Variants in SLC16A3 observed in about 807,000 individuals in gnomAD.
SLC16A3 encodes solute carrier family 16 member 3, also known as monocarboxylate transporter 4.
SLC16A3 carries 22 observed loss-of-function variants against 25.0 expected under a neutral mutation model. The ratio of observed to expected loss-of-function variants is 0.88; its 90% CI spans 0.63 to 1.26. The LOEUF (loss-of-function observed/expected upper bound fraction) is 1.26. Among genes scored for constraint, SLC16A3 ranks in the 50% most tolerant of loss-of-function variants. SLC16A3 has a pLI of 0.00. For missense variants in SLC16A3, 731 were observed against 666.6 expected (o/e 1.10, Z -1.06); for synonymous variants, 390 against 309.2 (o/e 1.26, Z -2.74).
rs2050721028 is a variant in SLC16A3 at position 82,240,072 on chromosome 17, AAAGC to A, written c.*1101_*1104del. 1.6e-6 allele frequency: 2 copies of A among 1,233,704 alleles called. No homozygotes were observed. Among genetic ancestry groups the A allele is most frequent in the African/African-American group, 1.5e-5 (1 of 64,596 alleles). 76.4% of individuals were successfully genotyped at this position (1,233,704 alleles called of 1,614,324 possible). A position where few individuals can be genotyped will look rare whatever the true frequency, so the allele number is the denominator to read the frequency against. The stretch of plus-strand genomic sequence containing the variant: ...CCATGTCCCTGCTCCTCTGCAATGA[AAAGC>A]AAGCGAAAAGTGCACATCTCAGGTC... On this transcript the variant is annotated 3_prime_UTR_variant, in exon 5 of 5. Transcript: ENST00000582743.
At chr17:82,222,856 C>G (rs929256164) in intron 1 of SLC16A3, among the ~76,000 whole-genome samples, 1 of 150,478 alleles carries the variant, frequency 6.6e-6, no homozygotes, top group Non-Finnish European at 1.5e-5. Context: ...CTCCCATGGA[C>G]GAACATGGAA....
intron 1 of SLC16A3, among the ~76,000 whole-genome samples, chr17:82,221,654 T>C (rs2050389750): frequency 6.6e-6 from 1 of 152,018 alleles, no homozygotes; most frequent in African/African-American, 2.4e-5. Context: ...AACAGGCACA[T>C]GAAAAGATAC....
chr17:82,221,256 G>A (rs971277293), intron 1 of SLC16A3, among the ~76,000 whole-genome samples: 1 of 152,068 alleles, frequency 6.6e-6, no homozygotes, highest in Non-Finnish European at 1.5e-5. Context: ...TTAATACCCA[G>A]AACATGTAAA....
At chr17:82,226,836 C>T (rs770215494), upstream of SLC16A3, among the ~76,000 whole-genome samples, 99 of 152,138 alleles carry the variant, frequency 6.5e-4, 1 homozygote, top group Non-Finnish European at 1.3e-4. Flanking sequence ...GTCCAGGCTC[C>T]GGGTGAGCTG....
upstream of SLC16A3, among the ~76,000 whole-genome samples, chr17:82,227,217 C>T (rs2050428454): frequency 6.6e-6 from 1 of 152,210 alleles, no homozygotes; most frequent in Non-Finnish European, 1.5e-5. Context: ...AAACCTGGCC[C>T]TGGCAGGGGC....
rs752406184 is a variant in SLC16A3, at chr17:82,238,724, C to G, written c.1146C>G (p.His382Gln). The G allele has an allele frequency of 6.2e-7, 1 of 1,611,856 alleles. No homozygotes were observed. Among genetic ancestry groups the G allele is most frequent in the South Asian group, 1.1e-5 (1 of 90,908 alleles). ...CAGGCAAACTCCTGGATGCGACCCACGTCTACATGTACGTGTTCATCCTGG... is the reference window on the plus strand; with the variant it reads ...CAGGCAAACTCCTGGATGCGACCCAGGTCTACATGTACGTGTTCATCCTGG... ...PSGGKLLDAT[H>Q]VYMYVFILAG... The change falls in exon 5 of 5, where the codon CAC (histidine) becomes CAG (glutamine). Residue 382 changes from histidine to glutamine, a missense_variant. Physicochemically the swap from His to Gln is conservative, Grantham distance 24. Coordinates refer to ENST00000582743, the MANE Select transcript of SLC16A3 (RefSeq NM_004207.4).
intron 4 of SLC16A3, 45 bp downstream of exon 4, chr17:82,237,938 G>A (rs376473948): frequency 8.2e-6 from 13 of 1,576,084 alleles, no homozygotes; most frequent in African/African-American, 2.7e-5. Flanking sequence ...TGCCCTTCCC[G>A]TCAGACGCCC....
chr17:82,223,752 G>A (rs879070586), upstream of SLC16A3, among the ~76,000 whole-genome samples: 1 of 152,000 alleles, frequency 6.6e-6, no homozygotes, highest in African/African-American at 2.4e-5. Flanking sequence ...GGTCCAGAGA[G>A]GTCCCCACAC....
At chr17:82,227,940 G>T (rs116935257), upstream of SLC16A3, among the ~76,000 whole-genome samples, 57 of 152,306 alleles carry the variant, frequency 3.7e-4, 1 homozygote, top group East Asian at 0.011. Flanking sequence ...GGCTGCAGAT[G>T]GAGAGCCAAG....
upstream of SLC16A3, among the ~76,000 whole-genome samples, chr17:82,223,535 T>TG (rs1458099286): frequency 6.6e-6 from 1 of 151,736 alleles, no homozygotes; most frequent in Non-Finnish European, 1.5e-5. Context: ...GACAGAGTCT[T>TG]GGTCTGTCAC....
chr17:82,227,617 AGCACCACCTGCCC>A (rs1213349221), upstream of SLC16A3, among the ~76,000 whole-genome samples: 3 of 26,010 alleles, frequency 1.2e-4, 1 homozygote, highest in East Asian at 0.022. Flanking sequence ...CCTGGGCGGG[AGCACCACCTGCCC>A]TGGGCGGGAG....
chr17:82,233,800 G>A (rs1443133832), intron 1 of SLC16A3: 1 of 152,220 alleles, frequency 6.6e-6, no homozygotes, highest in Non-Finnish European at 1.5e-5. Flanking sequence ...CGCAGTCTGC[G>A]TCCTGTTCCC....
chr17:82,232,784 C>CAG (rs2050518914), intron 1 of SLC16A3, among the ~76,000 whole-genome samples: 1 of 152,186 alleles, frequency 6.6e-6, no homozygotes, highest in African/African-American at 2.4e-5. Context: ...GCCTCCCGCT[C>CAG]AGCTTCCAGC....
chr17:82,221,150 C>T (rs1231944017), intron 1 of SLC16A3, among the ~76,000 whole-genome samples: 3 of 152,088 alleles, frequency 2.0e-5, no homozygotes, highest in African/African-American at 4.8e-5. Context: ...AAAACACAAG[C>T]AACATAAGAA....
At chr17:82,225,904 A>T (rs1028565147), upstream of SLC16A3, among the ~76,000 whole-genome samples, 2 of 151,930 alleles carry the variant, frequency 1.3e-5, no homozygotes, top group Non-Finnish European at 2.9e-5. Flanking sequence ...ACCCTTGGAG[A>T]AAAGCCTCTC....
At chr17:82,232,198 AAGGC>A in intron 1 of SLC16A3, 1 of 152,286 alleles carries the variant, frequency 6.6e-6, no homozygotes, top group Non-Finnish European at 1.5e-5. Flanking sequence ...CTGGGCCACA[AAGGC>A]AGGGCCAAAG....
chr17:82,237,466 C>G lies in SLC16A3; in HGVS notation c.696C>G (p.Ala232=), dbSNP rs144976389. The G allele has an allele frequency of 1.2e-6, 2 of 1,607,574 alleles. No homozygotes were observed. The highest frequency in any genetic ancestry group is 2.2e-5 in the East Asian group (1 of 44,804). The change falls in exon 4 of 5, where the codon GCC becomes GCG. Residue 232 remains alanine, a synonymous_variant. Coordinates refer to ENST00000582743, the MANE Select transcript of SLC16A3 (RefSeq NM_004207.4). ...GGGACCGCGGCTTTGTGCTTTACGC[C>G]GTGGCCGCCTCGGTCATGGTGCTGG... ...VFRDRGFVLY[A]VAASVMVLGL...
At position 82,237,655 on chromosome 17, in the gene SLC16A3, C is replaced by CT. The variant is rs764679024; in HGVS notation, c.886dup (p.Tyr296LeufsTer116). The CT allele has an allele frequency of 9.3e-6, 15 of 1,613,048 alleles. No individual in the cohort carries two copies. The highest frequency in any genetic ancestry group is 1.3e-5 in the Non-Finnish European group (15 of 1,179,934). On this transcript the variant is annotated frameshift_variant, in exon 4 of 5. Coordinates refer to ENST00000582743, the MANE Select transcript of SLC16A3 (RefSeq NM_004207.4). LOFTEE classifies it high-confidence loss of function. The stretch of plus-strand genomic sequence containing the variant: ...TTGGGAAGGTGCGGCCCTACTCCGT[C>CT]TACCTCTTCAGCTTCTCCATGTTCT...
chr17:82,234,651 GC>G (rs1317659749), intron 1 of SLC16A3: 1 of 152,468 alleles, frequency 6.6e-6, no homozygotes, highest in East Asian at 1.9e-4. Context: ...CAGGCTGGAT[GC>G]GGGGAGGGCC....
Sources: gnomAD v4.1 joint callset for allele counts (sites outside exome capture counted in the v4.1 genomes callset) on GRCh38, gnomAD v4.1.1 for gene constraint, MANE v1.5 for transcripts, NCBI Gene and HGNC (gene_info 2026-07-23, HGNC 2026-07-21) for gene names.